Variants in NDUFAF5 observed in about 807,000 individuals in gnomAD.
NDUFAF5 encodes the protein arginine-hydroxylase NDUFAF5, mitochondrial.
Under a neutral mutation model 48.9 loss-of-function variants are expected in NDUFAF5, and 34 were observed. That is an observed-to-expected ratio of 0.70 (90% confidence interval 0.53 to 0.93). The LOEUF is 0.93. Ranked by LOEUF, NDUFAF5 falls within the 40% of genes least tolerant of loss-of-function variation. The pLI is 0.00. For missense variants in NDUFAF5, 428 were observed against 427.5 expected, an observed-to-expected ratio of 1.00 and a Z score of -0.01; for synonymous variants, 153 against 150.6, an observed-to-expected ratio of 1.02 and a Z score of -0.12.
intron 7 of NDUFAF5, 49 bp downstream of exon 7, chr20:13,801,732 A>G (rs1984173228): frequency 6.8e-7 from 1 of 1,476,298 alleles, no homozygotes; most frequent in South Asian, 1.1e-5. Flanking sequence ...TCAAAAAAGA[A>G]CTTCTTATCA....
Position 13,818,257 on chromosome 20 carries a change from A to G in NDUFAF5, c.*1047A>G, listed in dbSNP as rs186886144. On this transcript the variant is annotated 3_prime_UTR_variant, in exon 11 of 11. Coordinates refer to ENST00000378106, the MANE Select transcript of NDUFAF5 (RefSeq NM_024120.5). Reference sequence around the variant, plus strand: ...TTCAGTTACATTTTGAACTAATTATATAACAAACTTGCCCTTTGAAAGACT... The same window carrying G: ...TTCAGTTACATTTTGAACTAATTATGTAACAAACTTGCCCTTTGAAAGACT... The G allele has an allele frequency of 6.6e-6, 3 of 453,902 alleles. No homozygotes were observed. The highest frequency in any genetic ancestry group is 4.4e-6 in the Non-Finnish European group (1 of 226,742). 28.1% of individuals were successfully genotyped at this position (453,902 alleles called of 1,614,324 possible).
intron 5 of NDUFAF5, among the ~76,000 whole-genome samples, chr20:13,797,215 G>A (rs111362832): frequency 1.3e-5 from 2 of 152,318 alleles, no homozygotes; most frequent in Admixed American, 6.5e-5. Flanking sequence ...TACTCTTAGC[G>A]TACGATCCAG....
chr20:13,820,845 T>G lies in NDUFAF5; in HGVS notation c.*3635T>G, dbSNP rs980687446. On this transcript the variant is annotated 3_prime_UTR_variant, in exon 11 of 11. Coordinates refer to ENST00000378106, the MANE Select transcript of NDUFAF5 (RefSeq NM_024120.5). ...AAAGAAAGATAGTTGATGCAGTGAT[T>G]ATTATTCTGTTCCTTTGTAAGTTAC... 1.3e-5 allele frequency: 2 copies of G among 152,230 alleles called. No homozygotes were observed. Among genetic ancestry groups the G allele is most frequent in the African/African-American group, 2.4e-5 (1 of 41,458 alleles). The allele number at this position is 152,230 out of a possible 1,614,324, so 9.4% of individuals were successfully genotyped here.
rs923796628 is a variant in NDUFAF5, at chr20:13,819,016, A to C, written c.*1806A>C. The stretch of plus-strand genomic sequence containing the variant: ...AGGATTACTCTACTCTGGCTATCCC[A>C]AAAAAAGCTCCATTTGTTTAAAAAA... On this transcript the variant is annotated 3_prime_UTR_variant, in exon 11 of 11. Coordinates refer to ENST00000378106, the MANE Select transcript of NDUFAF5 (RefSeq NM_024120.5). 3 of 152,212 alleles carry C rather than the reference A, an allele frequency of 2.0e-5. No individual in the cohort carries two copies. The allele number at this position is 152,212 out of a possible 1,614,324, so 9.4% of individuals were successfully genotyped here. A position where few individuals can be genotyped will look rare whatever the true frequency, so the allele number is the denominator to read the frequency against.
At position 13,819,752 on chromosome 20, in the gene NDUFAF5, C is replaced by A. The variant is rs2147643102; in HGVS notation, c.*2542C>A. The stretch of plus-strand genomic sequence containing the variant: ...TCTTCCCAGACTGGTCCCAAGAATG[C>A]TGTGGTTGGTTTTGTGTCTTTTCCA... On this transcript the variant is annotated 3_prime_UTR_variant, in exon 11 of 11. Coordinates refer to ENST00000378106, the MANE Select transcript of NDUFAF5 (RefSeq NM_024120.5). 6.6e-6 allele frequency: 1 copy of A among 152,358 alleles called. No individual in the cohort carries two copies. Among genetic ancestry groups the A allele is most frequent in the East Asian group, 1.9e-4 (1 of 5,190 alleles). The allele number at this position is 152,358 out of a possible 1,614,324, so 9.4% of individuals were successfully genotyped here.
intron 8 of NDUFAF5, among the ~76,000 whole-genome samples, chr20:13,809,416 A>G (rs1451683332): frequency 1.3e-5 from 2 of 152,216 alleles, no homozygotes; most frequent in African/African-American, 4.8e-5. Flanking sequence ...GAGATGAATT[A>G]ACTGGGTAGA....
rs1481946327 is a variant in NDUFAF5 at position 13,818,322 on chromosome 20, AATT to A, written c.*1116_*1118del. 7 of 431,082 alleles carry A rather than the reference AATT, an allele frequency of 1.6e-5. No homozygotes were observed. Among genetic ancestry groups the A allele is most frequent in the Non-Finnish European group, 3.2e-5 (7 of 215,766 alleles). 26.7% of individuals were successfully genotyped at this position (431,082 alleles called of 1,614,324 possible). ...AACCAAGATTTGTAGGAGAAAAAGA[AATT>A]ATTGTTCCCTTCAGTTTGAAAAATC... is the stretch of plus-strand genomic sequence containing the variant. On this transcript the variant is annotated 3_prime_UTR_variant, in exon 11 of 11. Coordinates refer to ENST00000378106, the MANE Select transcript of NDUFAF5 (RefSeq NM_024120.5).
intron 3 of NDUFAF5, 138 bp from the exon 4 acceptor site, chr20:13,793,038 TTGTG>T: frequency 1.2e-6 from 1 of 827,240 alleles, no homozygotes; most frequent in South Asian, 1.4e-5. Flanking sequence ...TTAAAAGTAT[TTGTG>T]TACCATACTG....
intron 4 of NDUFAF5, among the ~76,000 whole-genome samples, chr20:13,793,756 G>C (rs6134972): frequency 6.6e-6 from 1 of 152,138 alleles, no homozygotes; most frequent in African/African-American, 2.4e-5. Flanking sequence ...ATTCCTGGTA[G>C]CGGAATTTAT....
intron 7 of NDUFAF5, among the ~76,000 whole-genome samples, chr20:13,802,570 T>C (rs1008596725): frequency 2.7e-5 from 4 of 148,672 alleles, no homozygotes; most frequent in African/African-American, 7.5e-5. Context: ...CTCTGGAGGC[T>C]GAGGCAGGAG....
At chr20:13,799,875 C>A (rs1056167492) in intron 6 of NDUFAF5, among the ~76,000 whole-genome samples, 2 of 151,896 alleles carry the variant, frequency 1.3e-5, no homozygotes, top group Non-Finnish European at 2.9e-5. Flanking sequence ...CTGATTAGAT[C>A]TGAAGATCAA....
chr20:13,797,841 T>TA (rs1490152169), intron 5 of NDUFAF5, among the ~76,000 whole-genome samples: 1 of 152,110 alleles, frequency 6.6e-6, no homozygotes, highest in Non-Finnish European at 1.5e-5. Context: ...TAGGAGTATG[T>TA]AAAAAAATCT....
In NDUFAF5 at chr20:13,819,276, A is replaced by C. The variant is rs1282624947; in HGVS notation, c.*2066A>C. The stretch of plus-strand genomic sequence containing the variant: ...ATCCTTTTAAGCAATGAAACTTTTA[A>C]AAGGTCTTTATCAAAAATTTTTCAT... On this transcript the variant is annotated 3_prime_UTR_variant, in exon 11 of 11. Transcript: ENST00000378106. 1 of 152,230 alleles carries C rather than the reference A, an allele frequency of 6.6e-6. No homozygotes were observed. The highest frequency in any genetic ancestry group is 1.5e-5 in the Non-Finnish European group (1 of 68,032). 9.4% of individuals were successfully genotyped at this position (152,230 alleles called of 1,614,324 possible).
intron 2 of NDUFAF5, among the ~76,000 whole-genome samples, chr20:13,788,285 G>A (rs978336760): frequency 6.6e-6 from 1 of 152,094 alleles, no homozygotes; most frequent in Non-Finnish European, 1.5e-5. Flanking sequence ...TAGCTTCTTT[G>A]CATTCTTTAT....
At chr20:13,794,365 C>T (rs1982833359) in intron 4 of NDUFAF5, among the ~76,000 whole-genome samples, 2 of 152,076 alleles carry the variant, frequency 1.3e-5, no homozygotes, top group South Asian at 2.1e-4. Flanking sequence ...CTGCAACCTC[C>T]GCCTCCCGGG....
chr20:13,788,514 T>TA, intron 2 of NDUFAF5, 75 bp from the exon 3 acceptor site: 1 of 1,175,440 alleles, frequency 8.5e-7, no homozygotes, highest in Non-Finnish European at 1.3e-6. Flanking sequence ...GGAATGATTT[T>TA]ACCTAAGAAA....
intron 7 of NDUFAF5, 78 bp downstream of exon 7, chr20:13,801,761 GTA>G (rs1328055871): frequency 1.7e-5 from 23 of 1,315,034 alleles, no homozygotes; most frequent in East Asian, 1.4e-4. Context: ...ATAGAAAACT[GTA>G]TGTGTTCATG....
At chr20:13,794,342 C>G (rs894957377) in intron 4 of NDUFAF5, among the ~76,000 whole-genome samples, 1 of 151,582 alleles carries the variant, frequency 6.6e-6, no homozygotes, top group Non-Finnish European at 1.5e-5. Context: ...TGCAGTGGTG[C>G]GATCTCAGCT....
chr20:13,808,983 A>G, intron 8 of NDUFAF5, 81 bp downstream of exon 8: 1 of 934,228 alleles, frequency 1.1e-6, no homozygotes, highest in South Asian at 1.3e-5. Context: ...CATTTGAGAG[A>G]AACATTTTGA....
Sources: gnomAD v4.1 joint callset for allele counts (sites outside exome capture counted in the v4.1 genomes callset) on GRCh38, gnomAD v4.1.1 for gene constraint, MANE v1.5 for transcripts, NCBI Gene and HGNC (gene_info 2026-07-23, HGNC 2026-07-21) for gene names.